UBXN2A: variants seen among roughly 807,000 people sequenced by gnomAD.
UBXN2A encodes the protein UBX domain-containing protein 2A.
Under a neutral mutation model 28.4 loss-of-function variants are expected in UBXN2A, and 28 were observed. The observed-to-expected ratio is 0.99, with a 90% CI of 0.73 to 1.35. The LOEUF (loss-of-function observed/expected upper bound fraction) is 1.35. Among genes scored for constraint, UBXN2A ranks in the 40% most tolerant of loss-of-function variants. The pLI, the probability that UBXN2A is intolerant of heterozygous loss-of-function variation, is 0.00. For synonymous variants in UBXN2A, 97 were observed against 103.6 expected (o/e 0.94, Z 0.39); for missense variants, 253 against 297.9 (o/e 0.85, Z 1.11).
At chr2:23,960,780 G>T (rs1706868084) in intron 2 of UBXN2A, among the ~76,000 whole-genome samples, 1 of 151,810 alleles carries the variant, frequency 6.6e-6, no homozygotes, top group Admixed American at 6.6e-5. Flanking sequence ...TTACAGGCAC[G>T]CACCACCATG....
At chr2:23,934,709 A>C (rs1420113366) in intron 1 of UBXN2A, among the ~76,000 whole-genome samples, 1 of 152,244 alleles carries the variant, frequency 6.6e-6, no homozygotes, top group Admixed American at 6.5e-5. Context: ...CACAGAAAGA[A>C]ATTAGAAAAA....
At chr2:23,983,740 A>G (rs967815429) in intron 5 of UBXN2A, among the ~76,000 whole-genome samples, 4 of 151,824 alleles carry the variant, frequency 2.6e-5, no homozygotes, top group Non-Finnish European at 2.9e-5. Flanking sequence ...CAGTGGCATG[A>G]TCTTGGCTCA....
At chr2:23,937,526 T>A (rs1705565522), upstream of UBXN2A, among the ~76,000 whole-genome samples, 1 of 152,040 alleles carries the variant, frequency 6.6e-6, no homozygotes, top group Non-Finnish European at 1.5e-5. Flanking sequence ...CTCTAGCAAA[T>A]GATTAGAGCT....
At position 24,003,460 on chromosome 2, in the gene UBXN2A, C is replaced by CT. The variant is rs1273254688; in HGVS notation, c.*3594dup. On this transcript the variant is annotated 3_prime_UTR_variant, in exon 7 of 7. Transcript: ENST00000309033. ...CTCAGGAATAACAACAGGGAAATAT[C>CT]TATGTAACTAGATGACCTGACATAA... 2.6e-5 allele frequency: 4 copies of CT among 152,190 alleles called. No individual in the cohort carries two copies. The highest frequency in any genetic ancestry group is 5.9e-5 in the Non-Finnish European group (4 of 68,014). The allele number at this position is 152,190 out of a possible 1,614,324, so 9.4% of individuals were successfully genotyped here.
At chr2:23,962,564 C>A (rs1164780133) in intron 2 of UBXN2A, among the ~76,000 whole-genome samples, 2 of 151,210 alleles carry the variant, frequency 1.3e-5, no homozygotes, top group Admixed American at 1.3e-4. Flanking sequence ...CGAGACTGGG[C>A]AATTTACAAA....
At chr2:23,944,492 T>C (rs1048834701) in intron 1 of UBXN2A, 40 of 632,576 alleles carry the variant, frequency 6.3e-5, no homozygotes, top group Non-Finnish European at 1.0e-4. Context: ...CTTGGAACAG[T>C]ACAGTACCTT....
chr2:23,990,442 T>C (rs565532620), intron 6 of UBXN2A, among the ~76,000 whole-genome samples: 1 of 149,988 alleles, frequency 6.7e-6, no homozygotes, highest in Admixed American at 6.8e-5. Flanking sequence ...GTAGACTGAA[T>C]AATTATTTTT....
upstream of UBXN2A, chr2:23,939,450 G>A (rs1284382781): frequency 6.6e-6 from 1 of 152,454 alleles, no homozygotes; most frequent in South Asian, 2.1e-4. Flanking sequence ...GGGCTAGAAA[G>A]ACCCGGGTGT....
intron 3 of UBXN2A, among the ~76,000 whole-genome samples, chr2:23,973,487 C>T (rs548887237): frequency 5.9e-4 from 90 of 151,670 alleles, no homozygotes; most frequent in South Asian, 2.5e-3. Flanking sequence ...TACAAGCGCC[C>T]GCCACCACAC....
chr2:23,991,440 T>TAC (rs1708349727), intron 6 of UBXN2A, among the ~76,000 whole-genome samples: 1 of 133,766 alleles, frequency 7.5e-6, no homozygotes, highest in South Asian at 2.4e-4. Context: ...CATATACATA[T>TAC]ATATATATTA....
intron 3 of UBXN2A, 37 bp from the exon 4 acceptor site, chr2:23,976,932 A>T: frequency 2.6e-6 from 4 of 1,536,174 alleles, no homozygotes; most frequent in Non-Finnish European, 3.6e-6. Context: ...ACTACATTTT[A>T]TTAACATGAC....
At chr2:23,976,426 A>G (rs1707666344) in intron 3 of UBXN2A, among the ~76,000 whole-genome samples, 1 of 152,172 alleles carries the variant, frequency 6.6e-6, no homozygotes, top group Non-Finnish European at 1.5e-5. Flanking sequence ...AGCCAGTTGT[A>G]GTAGTCCATT....
At chr2:23,965,277 C>A (rs1322039550) in intron 2 of UBXN2A, among the ~76,000 whole-genome samples, 1 of 152,200 alleles carries the variant, frequency 6.6e-6, no homozygotes, top group Non-Finnish European at 1.5e-5. Context: ...TGAGACGCAG[C>A]ATCCTTGTCT....
chr2:23,972,333 G>A (rs1056617483), intron 3 of UBXN2A, among the ~76,000 whole-genome samples: 1 of 152,028 alleles, frequency 6.6e-6, no homozygotes, highest in African/African-American at 2.4e-5. Flanking sequence ...TGCTTATTGG[G>A]GGCATTTCAG....
chr2:23,944,105 T>C, intron 1 of UBXN2A: 1 of 724,624 alleles, frequency 1.4e-6, no homozygotes, highest in Non-Finnish European at 2.5e-6. Context: ...CTTTTTGGCA[T>C]GTCAGCCCTG....
intron 1 of UBXN2A, among the ~76,000 whole-genome samples, chr2:23,934,699 C>G (rs1185519671): frequency 4.6e-5 from 7 of 152,086 alleles, no homozygotes; most frequent in Non-Finnish European, 1.0e-4. Flanking sequence ...AAAAAGTCAA[C>G]ACAGAAAGAA....
chr2:23,968,086 G>T (rs1241576978), intron 2 of UBXN2A, among the ~76,000 whole-genome samples: 1 of 152,062 alleles, frequency 6.6e-6, no homozygotes, highest in Admixed American at 6.6e-5. Context: ...GCACCACCAC[G>T]CCAAGGCTCA....
At chr2:23,974,532 G>A (rs35631101) in intron 3 of UBXN2A, among the ~76,000 whole-genome samples, 67,742 of 150,544 alleles carry the variant, frequency 0.45, 16,009 homozygotes, top group East Asian at 0.77. Context: ...ATTTTTAGTA[G>A]AGACAGGATT....
chr2:23,995,906 G>GT (rs1281767662), intron 6 of UBXN2A, among the ~76,000 whole-genome samples: 1 of 151,680 alleles, frequency 6.6e-6, no homozygotes, highest in Non-Finnish European at 1.5e-5. Flanking sequence ...TTATTTATTT[G>GT]TTTTTTTGAG....
Sources: gnomAD v4.1 joint callset for allele counts (sites outside exome capture counted in the v4.1 genomes callset) on GRCh38, gnomAD v4.1.1 for gene constraint, MANE v1.5 for transcripts, NCBI Gene and HGNC (gene_info 2026-07-23, HGNC 2026-07-21) for gene names.